Variants in PCDHGA1 observed in about 807,000 individuals in gnomAD.
PCDHGA1 encodes the protein protocadherin gamma subfamily A, 1.
Under a neutral mutation model 58.0 loss-of-function variants are expected in PCDHGA1, and 32 were observed. That is an observed-to-expected ratio of 0.55 (90% CI 0.42 to 0.74). The LOEUF (loss-of-function observed/expected upper bound fraction) is 0.74, where lower values mean the gene tolerates loss of function less well. PCDHGA1 is among the 30% of genes least tolerant of loss of function. The pLI, the probability that PCDHGA1 is intolerant of heterozygous loss-of-function variation, is 0.00. For missense variants in PCDHGA1, 1,205 were observed against 1,182.3 expected, an observed-to-expected ratio of 1.02 and a Z score of -0.28; for synonymous variants, 498 against 501.1, an observed-to-expected ratio of 0.99 and a Z score of 0.08.
chr5:141,350,343 C>T (rs1758450981), intron 1 of PCDHGA1: 1 of 1,551,070 alleles, frequency 6.4e-7, no homozygotes, highest in South Asian at 1.3e-5. Context: ...GGGGCCATCT[C>T]CCAGCAGATC....
intron 1 of PCDHGA1, chr5:141,423,517 T>G (rs750915364): frequency 1.9e-6 from 3 of 1,613,716 alleles, no homozygotes; most frequent in Non-Finnish European, 2.5e-6. Flanking sequence ...CATTGCGGAC[T>G]CGCAGAAGAG....
chr5:141,440,572 GT>G (rs1233263525), intron 1 of PCDHGA1: 1 of 152,200 alleles, frequency 6.6e-6, no homozygotes, highest in Non-Finnish European at 1.5e-5. Context: ...GTATCTCTGA[GT>G]TTACCCAGCT....
At chr5:141,350,498 G>C in intron 1 of PCDHGA1, 1 of 1,614,024 alleles carries the variant, frequency 6.2e-7, no homozygotes. Flanking sequence ...GGAGAGCGGG[G>C]ATTTGTTAGT....
intron 1 of PCDHGA1, chr5:141,394,337 C>T (rs2092979975): frequency 7.4e-6 from 12 of 1,614,148 alleles, no homozygotes; most frequent in Non-Finnish European, 1.0e-5. Flanking sequence ...TCTCCATCAA[C>T]TCTGACACCG....
intron 1 of PCDHGA1, chr5:141,430,769 G>T: frequency 6.6e-7 from 1 of 1,508,212 alleles, no homozygotes; most frequent in Non-Finnish European, 8.9e-7. Context: ...AATGATTCCT[G>T]CGCGACTGCA....
chr5:141,366,208 G>A (rs1017414789), intron 1 of PCDHGA1: 2 of 1,613,700 alleles, frequency 1.2e-6, no homozygotes, highest in African/African-American at 1.3e-5. Flanking sequence ...CGGGCGAGGT[G>A]CGCACAGCGC....
Position 141,390,867 on chromosome 5 carries a change from C to T in PCDHGA1, c.2421+57762C>T, listed in dbSNP as rs370388746. On this transcript the variant is annotated intron_variant, in intron 1 of 3. Transcript: ENST00000517417. Reference sequence around the variant, plus strand: ...TTATATGCAGTGTACGCTGTGTGTGCGTGTGTGTGTGTGTGTGTGTGAGAG... The same window carrying T: ...TTATATGCAGTGTACGCTGTGTGTGTGTGTGTGTGTGTGTGTGTGTGAGAG... The T allele has an allele frequency of 2.6e-4, 39 of 151,156 alleles. No homozygotes were observed. In the South Asian group the frequency reaches 4.4e-3, roughly 17 times the overall value. 9.4% of individuals were successfully genotyped at this position (151,156 alleles called of 1,614,324 possible).
chr5:141,365,976 G>T, intron 1 of PCDHGA1: 1 of 1,614,232 alleles, frequency 6.2e-7, no homozygotes, highest in Non-Finnish European at 8.5e-7. Context: ...GTGTCGCTGA[G>T]CCTGTTTGTG....
chr5:141,413,217 C>A (rs762828191), intron 1 of PCDHGA1: 8 of 1,613,184 alleles, frequency 5.0e-6, no homozygotes, highest in African/African-American at 1.3e-5. Context: ...CAAAGGATTG[C>A]AGCGGGCTGG....
chr5:141,362,737 C>T, intron 1 of PCDHGA1: 1 of 746,916 alleles, frequency 1.3e-6, no homozygotes. Context: ...GATTTATTTA[C>T]CCATGATTGC....
At chr5:141,502,525 G>A (rs1258704254) in intron 2 of PCDHGA1, among the ~76,000 whole-genome samples, 1 of 152,074 alleles carries the variant, frequency 6.6e-6, no homozygotes, top group Non-Finnish European at 1.5e-5. Flanking sequence ...CAGTGATGCC[G>A]AGTTTGTTCG....
intron 1 of PCDHGA1, chr5:141,419,829 C>G (rs748734266): frequency 6.2e-7 from 1 of 1,614,072 alleles, no homozygotes; most frequent in Admixed American, 1.7e-5. Flanking sequence ...CTTTCAGCCA[C>G]TGCCACGCTG....
chr5:141,432,481 C>G lies in PCDHGA1; in HGVS notation c.2422-62326C>G. 6.2e-7 allele frequency: 1 copy of G among 1,614,198 alleles called. No homozygotes were observed. On this transcript the variant is annotated intron_variant, in intron 1 of 3. Coordinates refer to ENST00000517417, the MANE Select transcript of PCDHGA1 (RefSeq NM_018912.3). This position sits in a 1 kb window ranked among gnomAD's most constrained non-coding sequence, Gnocchi z 6.0. ...CCCTCCCCACGGACGGTTCCACTGG[C>G]GTGGAGCTGGCTCCCCGCTCCGCAG...
chr5:141,392,841 C>T (rs1464167244), intron 1 of PCDHGA1: 3 of 1,608,800 alleles, frequency 1.9e-6, no homozygotes, highest in Non-Finnish European at 8.5e-7. Flanking sequence ...TCGCCCCAGA[C>T]GCGGCGAGCT....
At chr5:141,368,055 A>G (rs531662241) in intron 1 of PCDHGA1, among the ~76,000 whole-genome samples, 10 of 152,346 alleles carry the variant, frequency 6.6e-5, no homozygotes, top group Non-Finnish European at 1.0e-4. Flanking sequence ...TAATGAAAGA[A>G]CTACTATATT....
Position 141,432,949 on chromosome 5 carries a change from C to T in PCDHGA1, c.2422-61858C>T. 1.2e-6 allele frequency: 2 copies of T among 1,614,184 alleles called. No homozygotes were observed. Among genetic ancestry groups the T allele is most frequent in the Non-Finnish European group, 1.7e-6 (2 of 1,180,040 alleles). On this transcript the variant is annotated intron_variant, in intron 1 of 3. Coordinates refer to ENST00000517417, the MANE Select transcript of PCDHGA1 (RefSeq NM_018912.3). This position sits in a 1 kb window ranked among gnomAD's most constrained non-coding sequence, Gnocchi z 6.0. Reference sequence around the variant, plus strand: ...CACGCCTGCTGCAGGCTTCAGGAGGCGGCTTGACAGGAGCGCCGGCGTCGC... The same window carrying T: ...CACGCCTGCTGCAGGCTTCAGGAGGTGGCTTGACAGGAGCGCCGGCGTCGC...
rs1310725827 is a variant in PCDHGA1, at chr5:141,500,934, T to C, written c.2481-4459T>C. The stretch of plus-strand genomic sequence containing the variant: ...TCCAGGCTGGGGTGCAGTGGCGCCA[T>C]CTCGGCTCACTGCAAGCTCCACCTC... On this transcript the variant is annotated intron_variant, in intron 2 of 3. Transcript: ENST00000517417. 5.9e-5 allele frequency among the ~76,000 whole-genome samples: 9 copies of C among 151,906 alleles called. 1 individual carries two copies. Among genetic ancestry groups the C allele is most frequent in the Non-Finnish European group, 1.3e-4 (9 of 68,020 alleles).
At chr5:141,383,534 T>C in intron 1 of PCDHGA1, 6 of 1,612,436 alleles carry the variant, frequency 3.7e-6, no homozygotes, top group Non-Finnish European at 5.1e-6. Context: ...CACCTGGTCC[T>C]CACAGCCTCT....
intron 1 of PCDHGA1, chr5:141,398,815 A>G (rs1369560562): frequency 6.2e-7 from 1 of 1,613,870 alleles, no homozygotes; most frequent in East Asian, 2.2e-5. Context: ...TGAGCTCCGG[A>G]TCCAGGTAAC....
Sources: allele counts gnomAD v4.1 joint callset (sites outside exome capture counted in the v4.1 genomes callset), GRCh38; gene constraint gnomAD v4.1.1; non-coding constraint Gnocchi (gnomAD v3.1); transcripts MANE v1.5; gene names NCBI Gene and HGNC (gene_info 2026-07-23, HGNC 2026-07-21).